FBN1: variants seen among roughly 807,000 people sequenced by gnomAD.
FBN1 encodes fibrillin 1, also known as fibrillin-1.
In FBN1, 29 loss-of-function variants were observed where a neutral mutation model predicts 365.1. The observed-to-expected ratio is 0.08, with a 90% CI of 0.06 to 0.11. FBN1 has a LOEUF of 0.11. Among genes scored for constraint, FBN1 ranks in the 10% least tolerant of loss-of-function variants. The pLI, the probability that FBN1 is intolerant of heterozygous loss-of-function variation, is 1.00. For missense variants in FBN1, 2,476 were observed against 3,703.2 expected, an observed-to-expected ratio of 0.67 and a Z score of 8.60; for synonymous variants, 1,210 against 1,270.5, an observed-to-expected ratio of 0.95 and a Z score of 1.01.
In FBN1 at chr15:48,622,437, C is replaced by T. The variant is rs567922135; in HGVS notation, c.165-9345G>A. 5.9e-5 allele frequency among the ~76,000 whole-genome samples: 9 copies of T among 152,262 alleles called. No homozygotes were observed. The South Asian group carries it at 1.9e-3, about 32-fold the overall frequency. ...ATGTTTCCCGGTTGCTAAGGGGAGT[C>T]ACTAGTTTTATTTCATCCCACTGAT... On this transcript the variant is annotated intron_variant, in intron 2 of 65. Coordinates refer to ENST00000316623, the MANE Select transcript of FBN1 (RefSeq NM_000138.5).
At chr15:48,482,565 G>A (rs1384652435) in intron 31 of FBN1, among the ~76,000 whole-genome samples, 3 of 152,166 alleles carry the variant, frequency 2.0e-5, no homozygotes, top group African/African-American at 7.2e-5. Context: ...GTACCAGATG[G>A]AGCCAGGCAC....
At chr15:48,483,626 T>C (rs1387570930) in intron 31 of FBN1, among the ~76,000 whole-genome samples, 192 bp downstream of exon 31, 1 of 152,214 alleles carries the variant, frequency 6.6e-6, no homozygotes, top group Non-Finnish European at 1.5e-5. Context: ...ATAACATATC[T>C]GACAAGAGTA....
chr15:48,616,799 T>C (rs566338147), intron 2 of FBN1, among the ~76,000 whole-genome samples: 2 of 152,204 alleles, frequency 1.3e-5, no homozygotes, highest in Admixed American at 1.3e-4. Flanking sequence ...TTTTAAAAAA[T>C]TAAAATTCAA....
rs1342978864 is a variant in FBN1, at chr15:48,446,784, T to C, written c.5710A>G (p.Thr1904Ala). ...AAGGAACCAATTGTGTTCCGGCAAGTTCCATTCCCACAGGCATCTCTTTCA... is the reference window on the plus strand; with the variant it reads ...AAGGAACCAATTGTGTTCCGGCAAGCTCCATTCCCACAGGCATCTCTTTCA... ...ECERDACGNGTCRNTIGSFNC... is the reference protein window; with the variant it reads ...ECERDACGNGACRNTIGSFNC... The change falls in exon 47 of 66, where the codon ACT becomes GCT. Residue 1904 changes from threonine to alanine, a missense_variant. Transcript: ENST00000316623. The C allele has an allele frequency of 6.2e-7, 1 of 1,613,076 alleles. No individual in the cohort carries two copies. The highest frequency in any genetic ancestry group is 1.7e-5 in the Admixed American group (1 of 59,972).
At chr15:48,469,676 T>C (rs1266535538) in intron 36 of FBN1, among the ~76,000 whole-genome samples, 3 of 151,990 alleles carry the variant, frequency 2.0e-5, no homozygotes, top group Non-Finnish European at 2.9e-5. Context: ...AAATTGCATG[T>C]GAATTTGGAC....
intron 63 of FBN1, among the ~76,000 whole-genome samples, chr15:48,419,363 C>G (rs2042923740): frequency 6.6e-6 from 1 of 152,028 alleles, no homozygotes; most frequent in Admixed American, 6.5e-5. Flanking sequence ...CCTTTCCTCT[C>G]TTATGTTTTT....
At chr15:48,431,126 C>A (rs754259608) in intron 55 of FBN1, among the ~76,000 whole-genome samples, 18 of 151,776 alleles carry the variant, frequency 1.2e-4, no homozygotes. Context: ...TTGAAAGAGT[C>A]TCTCTCTGTT....
chr15:48,620,352 T>A (rs1029052509), intron 2 of FBN1, among the ~76,000 whole-genome samples: 1 of 152,222 alleles, frequency 6.6e-6, no homozygotes. Flanking sequence ...TAATCATATC[T>A]ATTGAGTGCT....
At chr15:48,643,268 T>C (rs1049025591) in intron 2 of FBN1, 1 of 152,262 alleles carries the variant, frequency 6.6e-6, no homozygotes, top group Non-Finnish European at 1.5e-5. Flanking sequence ...ATCTGCTGTC[T>C]GATCAAGGTC....
rs184719603 is a variant in FBN1 at position 48,408,595 on chromosome 15, C to G, written c.*2395G>C. On this transcript the variant is annotated 3_prime_UTR_variant, in exon 66 of 66. Transcript: ENST00000316623. ...AGATTTACAAAGCCAAGTTCTTCAA[C>G]TATTGAAAGTGAAATTGAAAGGTCA... The G allele has an allele frequency of 6.6e-6, 1 of 152,562 alleles. No individual in the cohort carries two copies. The highest frequency in any genetic ancestry group is 1.5e-5 in the Non-Finnish European group (1 of 68,036). 9.5% of individuals were successfully genotyped at this position (152,562 alleles called of 1,614,324 possible).
intron 6 of FBN1, among the ~76,000 whole-genome samples, chr15:48,584,543 T>A (rs1339749784): frequency 1.3e-5 from 2 of 152,194 alleles, no homozygotes; most frequent in Admixed American, 6.5e-5. Flanking sequence ...CCAGGAGCCA[T>A]GAGAACAGGA....
At chr15:48,573,282 G>T (rs1259585456) in intron 6 of FBN1, among the ~76,000 whole-genome samples, 2 of 152,128 alleles carry the variant, frequency 1.3e-5, no homozygotes, top group East Asian at 3.8e-4. Context: ...ACACAACACA[G>T]CTCAAATTAT....
chr15:48,523,322 A>G (rs1299466896), intron 9 of FBN1, among the ~76,000 whole-genome samples: 1 of 152,246 alleles, frequency 6.6e-6, no homozygotes, highest in Non-Finnish European at 1.5e-5. Context: ...GCTAATGTCT[A>G]TTATTTTGCA....
rs1335043561 is a variant in FBN1, at chr15:48,505,034, C to T, written c.1951G>A (p.Val651Met). The T allele has an allele frequency of 3.7e-6, 6 of 1,614,040 alleles. No individual in the cohort carries two copies. The highest frequency in any genetic ancestry group is 2.7e-5 in the African/African-American group (2 of 74,906). Residue 651 changes from valine to methionine, a missense_variant, in exon 16 of 66, where the codon GTG becomes ATG. Around this residue, in one of 5 missense-constraint regions of FBN1, gnomAD observed 1,780 missense variants for 2,840.8 expected, o/e 0.63. Coordinates refer to ENST00000316623, the MANE Select transcript of FBN1 (RefSeq NM_000138.5). ...PGLAVGLDGR[V>M]CVDTHMRSTC... Reference sequence around the variant, plus strand: ...CATGATGTTTTCTTACCAACACACACACGGCCATCCAGACCCACAGCCAGT... The same window carrying T: ...CATGATGTTTTCTTACCAACACACATACGGCCATCCAGACCCACAGCCAGT...
intron 8 of FBN1, among the ~76,000 whole-genome samples, chr15:48,533,278 T>C (rs767199499): frequency 2.0e-5 from 3 of 152,222 alleles, no homozygotes; most frequent in Non-Finnish European, 4.4e-5. Flanking sequence ...TGATGAGAGA[T>C]GTAGCCCTGA....
chr15:48,470,573 T>C, intron 36 of FBN1, 61 bp downstream of exon 36: 6 of 1,611,102 alleles, frequency 3.7e-6, no homozygotes, highest in Non-Finnish European at 5.1e-6. Context: ...CCAGGGAGGC[T>C]CCAATAGCTG....
At chr15:48,446,399 C>T (rs1194093291) in intron 47 of FBN1, among the ~76,000 whole-genome samples, 3 of 152,026 alleles carry the variant, frequency 2.0e-5, no homozygotes, top group Admixed American at 6.6e-5. Context: ...TATTACCATG[C>T]CTAATTTATA....
Position 48,428,413 on chromosome 15 carries a change from G to T in FBN1, c.6930C>A (p.Thr2310=), listed in dbSNP as rs767319373. 1 of 1,614,016 alleles carries T rather than the reference G, an allele frequency of 6.2e-7. No homozygotes were observed. ...TACACTCACAGGTGTAGCTCCCACG[G>T]GTGTTGAGGCAGCGCCCATTCTCAC... ...GICENGRCLN[T]RGSYTCECND... is the part of the protein sequence containing the mutation. Residue 2310 remains threonine (T), a synonymous_variant, in exon 57 of 66, where the codon ACC becomes ACA. Coordinates refer to ENST00000316623, the MANE Select transcript of FBN1 (RefSeq NM_000138.5).
At chr15:48,458,578 C>T (rs1331175720) in intron 43 of FBN1, among the ~76,000 whole-genome samples, 1 of 152,176 alleles carries the variant, frequency 6.6e-6, no homozygotes, top group Non-Finnish European at 1.5e-5. Context: ...ATCATATTCA[C>T]ATTCGTTTTA....
Sources: gnomAD v4.1 joint callset for allele counts (sites outside exome capture counted in the v4.1 genomes callset) on GRCh38, gnomAD v4.1.1 for gene constraint, gnomAD v4.1.1 regional missense constraint, MANE v1.5 for transcripts, NCBI Gene and HGNC (gene_info 2026-07-23, HGNC 2026-07-21) for gene names.